Variants in TOGARAM1 observed in about 807,000 individuals in gnomAD.
The protein encoded by TOGARAM1 is TOG array regulator of axonemal microtubules protein 1.
A neutral mutation model predicts 166.6 loss-of-function variants in TOGARAM1; 100 were observed. That is an observed-to-expected ratio of 0.60 (90% CI 0.51 to 0.71). The LOEUF (loss-of-function observed/expected upper bound fraction) is 0.71, where lower values mean the gene tolerates loss of function less well. TOGARAM1 is among the 30% of genes least tolerant of loss of function. The pLI is 0.00. For synonymous variants in TOGARAM1, 758 were observed against 763.8 expected (o/e 0.99, Z 0.13); for missense variants, 2,029 against 2,102.7 (o/e 0.96, Z 0.69).
At chr14:45,037,415 C>T (rs890414406) in intron 11 of TOGARAM1, among the ~76,000 whole-genome samples, 31 of 152,150 alleles carry the variant, frequency 2.0e-4, no homozygotes, top group African/African-American at 7.5e-4. Context: ...AACACATTCA[C>T]GTATCAATCA....
rs930935788 is a variant in TOGARAM1, at chr14:44,987,365, G to C, written c.2047-8381G>C. Among the ~76,000 whole-genome samples, 10 of 152,078 alleles carry C rather than the reference G, an allele frequency of 6.6e-5. 1 individual carries two copies. Among genetic ancestry groups the C allele is most frequent in the Admixed American group, 6.5e-4 (10 of 15,270 alleles). On this transcript the variant is annotated intron_variant, in intron 1 of 19. Coordinates refer to ENST00000361462, the MANE Select transcript of TOGARAM1 (RefSeq NM_001308120.2). Reference sequence around the variant, plus strand: ...TTTTGCAATCTACTCATCTGACAAAGGGCTAATATCCAGAATCTACAAAGA... The same window carrying C: ...TTTTGCAATCTACTCATCTGACAAACGGCTAATATCCAGAATCTACAAAGA...
Position 45,074,182 on chromosome 14 carries a change from A to G in TOGARAM1, c.*621A>G, listed in dbSNP as rs1388552238. On this transcript the variant is annotated 3_prime_UTR_variant, in exon 20 of 20. Transcript: ENST00000361462. ...CATGACAACCAAAGTTTTAGAAAAC[A>G]TTAAACATTTTAAATGCACGTTTAA... 1 of 152,676 alleles carries G rather than the reference A, an allele frequency of 6.5e-6. No homozygotes were observed. The highest frequency in any genetic ancestry group is 2.4e-5 in the African/African-American group (1 of 41,462). The allele number at this position is 152,676 out of a possible 1,614,324, so 9.5% of individuals were successfully genotyped here.
chr14:44,964,500 G>C, intron 1 of TOGARAM1, 33 bp downstream of exon 1: 1 of 1,513,130 alleles, frequency 6.6e-7, no homozygotes, highest in Non-Finnish European at 8.8e-7. Context: ...AGTCGAAAGT[G>C]TGAAGAATTT....
At chr14:45,048,314 CAAAAAAA>C (rs1165258521) in intron 14 of TOGARAM1, among the ~76,000 whole-genome samples, 3 of 43,758 alleles carry the variant, frequency 6.9e-5, no homozygotes, top group Admixed American at 2.4e-4. Context: ...GACTCCATCT[CAAAAAAA>C]AAAAAAAAAA....
At chr14:45,016,323 G>A (rs1417925601) in intron 7 of TOGARAM1, among the ~76,000 whole-genome samples, 1 of 152,216 alleles carries the variant, frequency 6.6e-6, no homozygotes, top group Non-Finnish European at 1.5e-5. Flanking sequence ...TTGAGCCTGA[G>A]AGGCAGAGGT....
Position 44,964,405 on chromosome 14 carries a change from G to A in TOGARAM1, c.1984G>A (p.Glu662Lys), listed in dbSNP as rs1379808405. The A allele has an allele frequency of 1.9e-6, 3 of 1,612,066 alleles. No homozygotes were observed. The highest frequency in any genetic ancestry group is 2.5e-6 in the Non-Finnish European group (3 of 1,178,898). Residue 662 changes from glutamate to lysine, a missense_variant, in exon 1 of 20, where the codon GAA (glutamate) becomes AAA (lysine). This residue lies in a region of TOGARAM1 where 1,453 missense variants were observed against 1,432.2 expected (regional missense o/e 1.01). Coordinates refer to ENST00000361462, the MANE Select transcript of TOGARAM1 (RefSeq NM_001308120.2). ...AGKGKNKLPW[E>K]NEQPGIMGEN... is the part of the protein sequence containing the mutation. ...AAAAGGAAAAAATAAATTACCATGG[G>A]AAAATGAGCAACCTGGAATCATGGG...
chr14:45,040,573 A>G (rs1301905526), intron 11 of TOGARAM1, among the ~76,000 whole-genome samples: 1 of 152,224 alleles, frequency 6.6e-6, no homozygotes, highest in African/African-American at 2.4e-5. Flanking sequence ...AAAGAAGAGA[A>G]AAATTACAAA....
chr14:44,969,621 C>T (rs888870943), intron 1 of TOGARAM1, among the ~76,000 whole-genome samples: 4 of 152,212 alleles, frequency 2.6e-5, no homozygotes, highest in Admixed American at 6.5e-5. Context: ...AAGTCATCAC[C>T]ATACCCAAGG....
chr14:45,058,036 A>G (rs1484198511), intron 16 of TOGARAM1, among the ~76,000 whole-genome samples: 4 of 152,112 alleles, frequency 2.6e-5, no homozygotes, highest in African/African-American at 4.8e-5. Flanking sequence ...CTGTGAGTGG[A>G]ATGTTGAAGT....
chr14:44,981,771 T>C (rs1886547607), intron 1 of TOGARAM1, among the ~76,000 whole-genome samples: 2 of 152,062 alleles, frequency 1.3e-5, no homozygotes. Context: ...GCTTTCAGTA[T>C]AATTTCAGTT....
intron 1 of TOGARAM1, among the ~76,000 whole-genome samples, chr14:44,973,627 G>A (rs905222132): frequency 2.0e-5 from 3 of 149,098 alleles, no homozygotes; most frequent in Non-Finnish European, 4.5e-5. Context: ...TCTCTCTCCA[G>A]GTTTTTGACC....
intron 16 of TOGARAM1, among the ~76,000 whole-genome samples, chr14:45,065,570 G>A (rs369499946): frequency 2.6e-5 from 4 of 152,276 alleles, no homozygotes; most frequent in South Asian, 2.1e-4. Flanking sequence ...TTATAGCCAC[G>A]AAAAATATTA....
Position 45,032,333 on chromosome 14 carries a change from A to G in TOGARAM1, c.3769A>G (p.Ile1257Val). 1 of 1,614,120 alleles carries G rather than the reference A, an allele frequency of 6.2e-7. No individual in the cohort carries two copies. The highest frequency in any genetic ancestry group is 8.5e-7 in the Non-Finnish European group (1 of 1,180,006). Reference protein sequence around the residue: ...SELRPFSKPEIALTEALRLLA... With the variant: ...SELRPFSKPEVALTEALRLLA... The stretch of plus-strand genomic sequence containing the variant: ...ACTACGACCATTCTCTAAACCAGAA[A>G]TAGCACTGACAGAAGCCCTGAGGCT... The change falls in exon 11 of 20, where the codon ATA becomes GTA. Residue 1257 changes from isoleucine (I) to valine (V), a missense_variant. Ile to Val is a conservative substitution (Grantham distance 29). Around this residue, in one of 2 missense-constraint regions of TOGARAM1, gnomAD observed 576 missense variants for 670.5 expected, o/e 0.86. Coordinates refer to ENST00000361462, the MANE Select transcript of TOGARAM1 (RefSeq NM_001308120.2).
rs529703461 is a variant in TOGARAM1 at position 45,023,226 on chromosome 14, C to T, written c.3239-2557C>T. On this transcript the variant is annotated intron_variant, in intron 7 of 19. Transcript: ENST00000361462. ...GGAACCTCTAGAAGGTCCCCTCGAG[C>T]GGCATAGGTTTGAGCAATTACTTGT... Among the ~76,000 whole-genome samples the T allele has an allele frequency of 1.1e-4, 17 of 152,258 alleles. 1 individual carries two copies. In the South Asian group the frequency reaches 2.9e-3, roughly 26 times the overall value.
At chr14:45,017,101 C>A (rs10132389) in intron 7 of TOGARAM1, among the ~76,000 whole-genome samples, 24,109 of 152,070 alleles carry the variant, frequency 0.16, 3,556 homozygotes, top group African/African-American at 0.39. Context: ...TAAGCCTACA[C>A]AAGGTTAGTA....
intron 2 of TOGARAM1, among the ~76,000 whole-genome samples, chr14:44,998,484 G>A (rs1179142343): frequency 1.3e-5 from 2 of 152,204 alleles, no homozygotes; most frequent in African/African-American, 4.8e-5. Context: ...GGAGGCCAAG[G>A]CAGGCGGATC....
intron 11 of TOGARAM1, among the ~76,000 whole-genome samples, chr14:45,035,976 A>G (rs997878637): frequency 2.0e-5 from 3 of 150,534 alleles, no homozygotes; most frequent in Admixed American, 6.6e-5. Context: ...AAGAAAAAAA[A>G]TTTAAAATCT....
chr14:45,051,517 C>CTTTAAAGG (rs1882365292), intron 14 of TOGARAM1, among the ~76,000 whole-genome samples: 1 of 141,042 alleles, frequency 7.1e-6, no homozygotes, highest in Non-Finnish European at 1.5e-5. Context: ...AAGACAGTGA[C>CTTTAAAGG]TTTAAAGGGG....
In TOGARAM1 at chr14:45,006,106, C is replaced by G. The variant is rs1879404368; in HGVS notation, c.2743C>G (p.Pro915Ala). 6.2e-7 allele frequency: 1 copy of G among 1,613,958 alleles called. No individual in the cohort carries two copies. The highest frequency in any genetic ancestry group is 8.5e-7 in the Non-Finnish European group (1 of 1,179,984). ...TCTAAATGGGACAAAGCCTGTTCCTCCCATACCAAGGGGAATAAGCCTTTT... is the reference window on the plus strand; with the variant it reads ...TCTAAATGGGACAAAGCCTGTTCCTGCCATACCAAGGGGAATAAGCCTTTT... ...RGLNGTKPVP[P>A]IPRGISLLPD... is the part of the protein sequence containing the mutation. The change falls in exon 5 of 20, where the codon CCC becomes GCC. Residue 915 changes from proline (P) to alanine (A), a missense_variant. Physicochemically the swap from Pro to Ala is conservative, Grantham distance 27. Transcript: ENST00000361462.
Sources: gnomAD v4.1 joint callset for allele counts (sites outside exome capture counted in the v4.1 genomes callset) on GRCh38, gnomAD v4.1.1 for gene constraint, gnomAD v4.1.1 regional missense constraint, MANE v1.5 for transcripts, NCBI Gene and HGNC (gene_info 2026-07-23, HGNC 2026-07-21) for gene names.